LANCL2: variants seen among roughly 807,000 people sequenced by gnomAD.
LANCL2 encodes the protein LanC like glutathione S-transferase 2.
Under a neutral mutation model 56.9 loss-of-function variants are expected in LANCL2, and 33 were observed. The ratio of observed to expected loss-of-function variants is 0.58; its 90% confidence interval spans 0.44 to 0.78. The LOEUF is 0.78. Ranked by LOEUF, LANCL2 falls within the 30% of genes least tolerant of loss-of-function variation. The pLI, the probability that LANCL2 is intolerant of heterozygous loss-of-function variation, is 0.00. For synonymous variants in LANCL2, 233 were observed against 228.2 expected (o/e 1.02, Z -0.19); for missense variants, 562 against 580.2 (o/e 0.97, Z 0.32).
At chr7:55,400,577 C>T (rs566713420) in intron 4 of LANCL2, among the ~76,000 whole-genome samples, 4 of 152,212 alleles carry the variant, frequency 2.6e-5, no homozygotes. Context: ...TTTACTTCTG[C>T]TCCCATCCCA....
chr7:55,403,930 G>A (rs1427965802), intron 5 of LANCL2, among the ~76,000 whole-genome samples: 5 of 152,026 alleles, frequency 3.3e-5, no homozygotes, highest in Non-Finnish European at 7.4e-5. Flanking sequence ...TCTTAATGGG[G>A]AAAAATCTTC....
intron 2 of LANCL2, among the ~76,000 whole-genome samples, chr7:55,396,427 G>A (rs774441831): frequency 2.0e-5 from 3 of 152,376 alleles, no homozygotes; most frequent in Admixed American, 1.3e-4. Flanking sequence ...CCCGGAGCAA[G>A]GGAGATGCCT....
chr7:55,405,166 C>T (rs2128994419), intron 5 of LANCL2, among the ~76,000 whole-genome samples: 1 of 148,784 alleles, frequency 6.7e-6, no homozygotes, highest in Admixed American at 7.0e-5. Context: ...CACTCCGAGT[C>T]AGAAGACTGA....
chr7:55,416,824 T>G (rs1790544905), intron 6 of LANCL2, among the ~76,000 whole-genome samples: 1 of 152,116 alleles, frequency 6.6e-6, no homozygotes, highest in Non-Finnish European at 1.5e-5. Context: ...AATTACTGTC[T>G]GTGTTTTGTC....
chr7:55,376,891 T>C (rs1790009458), intron 1 of LANCL2, among the ~76,000 whole-genome samples: 1 of 152,244 alleles, frequency 6.6e-6, no homozygotes, highest in Non-Finnish European at 1.5e-5. Flanking sequence ...ACTAATATTA[T>C]ACTCAAAATT....
chr7:55,369,609 C>T (rs1015814213), intron 1 of LANCL2, among the ~76,000 whole-genome samples: 1 of 152,144 alleles, frequency 6.6e-6, no homozygotes, highest in Non-Finnish European at 1.5e-5. Flanking sequence ...CAGCCATTTC[C>T]TCCTTTTTAC....
intron 1 of LANCL2, among the ~76,000 whole-genome samples, chr7:55,372,236 A>C (rs1562855586): frequency 6.6e-6 from 1 of 152,206 alleles, no homozygotes; most frequent in Non-Finnish European, 1.5e-5. Flanking sequence ...GATTATGGAG[A>C]GGGAACTAAG....
At chr7:55,404,809 T>C (rs766033595) in intron 5 of LANCL2, among the ~76,000 whole-genome samples, 74 of 152,166 alleles carry the variant, frequency 4.9e-4, no homozygotes, top group African/African-American at 1.6e-3. Flanking sequence ...AGATGGAGTT[T>C]CGCCATGTTG....
In LANCL2 at chr7:55,389,309, T is replaced by A. The variant is rs534411476; in HGVS notation, c.205-2484T>A. On this transcript the variant is annotated intron_variant, in intron 1 of 8. Coordinates refer to ENST00000254770, the MANE Select transcript of LANCL2 (RefSeq NM_018697.4). ...CACTCGGGGTTGACTGAACTGCAGT[T>A]TCTCTTAGGTCATCCTGCCAATGAA... 3.9e-5 allele frequency among the ~76,000 whole-genome samples: 6 copies of A among 152,274 alleles called. No individual in the cohort carries two copies. The East Asian group carries it at 9.7e-4, about 25-fold the overall frequency.
At chr7:55,403,444 A>AGAGGGAGAGGGAGAG (rs1296878344) in intron 5 of LANCL2, among the ~76,000 whole-genome samples, 7,493 of 150,272 alleles carry the variant, frequency 0.05, 570 homozygotes, top group African/African-American at 0.17. Context: ...AAAGAGAGGG[A>AGAGGGAGAGGGAGAG]GAGGGAGAGG....
intron 7 of LANCL2, among the ~76,000 whole-genome samples, chr7:55,426,476 C>G (rs1360621473): frequency 1.3e-5 from 2 of 152,218 alleles, no homozygotes; most frequent in African/African-American, 4.8e-5. Context: ...GTTCTTTATA[C>G]TTTTTGAACA....
At chr7:55,374,809 G>T (rs1789982807) in intron 1 of LANCL2, among the ~76,000 whole-genome samples, 1 of 152,136 alleles carries the variant, frequency 6.6e-6, no homozygotes, top group Admixed American at 6.5e-5. Flanking sequence ...TTACTTTATG[G>T]TATACAGTTT....
In LANCL2 at chr7:55,416,384, C is replaced by T. The variant is rs1477726366; in HGVS notation, c.1008+4295C>T. Among the ~76,000 whole-genome samples, 6 of 152,048 alleles carry T rather than the reference C, an allele frequency of 3.9e-5. No individual in the cohort carries two copies. The South Asian group carries it at 8.3e-4, about 21-fold the overall frequency. ...CACTGTAGCCTCGACCTTCAGGGCT[C>T]AGGTGATCCTCCCACTTCAACCTTC... On this transcript the variant is annotated intron_variant, in intron 6 of 8. Coordinates refer to ENST00000254770, the MANE Select transcript of LANCL2 (RefSeq NM_018697.4).
chr7:55,391,741 A>C (rs369702510), intron 1 of LANCL2, 52 bp from the exon 2 acceptor site: 19 of 975,132 alleles, frequency 1.9e-5, no homozygotes, highest in Non-Finnish European at 3.1e-5. Flanking sequence ...TATTTATTGC[A>C]ACATTGTCCC....
intron 1 of LANCL2, among the ~76,000 whole-genome samples, chr7:55,385,353 G>A (rs1477614732): frequency 6.6e-6 from 1 of 152,190 alleles, no homozygotes; most frequent in Non-Finnish European, 1.5e-5. Context: ...GAGGTGACAG[G>A]CCAGTGGAAG....
At chr7:55,416,427 C>T (rs890293455) in intron 6 of LANCL2, among the ~76,000 whole-genome samples, 2 of 152,082 alleles carry the variant, frequency 1.3e-5, no homozygotes, top group Non-Finnish European at 2.9e-5. Context: ...CTGGGGACTA[C>T]AGGCACGTGC....
intron 6 of LANCL2, among the ~76,000 whole-genome samples, chr7:55,412,658 C>G (rs552193112): frequency 6.6e-6 from 1 of 152,332 alleles, no homozygotes; most frequent in Non-Finnish European, 1.5e-5. Context: ...CTATTGATTT[C>G]TGTCCTGGAC....
At chr7:55,420,532 T>C (rs1056308940) in intron 6 of LANCL2, among the ~76,000 whole-genome samples, 2 of 152,252 alleles carry the variant, frequency 1.3e-5, no homozygotes, top group African/African-American at 4.8e-5. Flanking sequence ...TCAGGCATAG[T>C]GTGCTAGAAA....
At chr7:55,370,465 T>G (rs1327590533) in intron 1 of LANCL2, among the ~76,000 whole-genome samples, 1 of 152,222 alleles carries the variant, frequency 6.6e-6, no homozygotes, top group Non-Finnish European at 1.5e-5. Flanking sequence ...GCTGAAATCT[T>G]GAACTTGTCA....
Sources: allele counts gnomAD v4.1 joint callset (sites outside exome capture counted in the v4.1 genomes callset), GRCh38; gene constraint gnomAD v4.1.1; transcripts MANE v1.5; gene names NCBI Gene and HGNC (gene_info 2026-07-23, HGNC 2026-07-21).